ERBB4: variants seen among roughly 807,000 people sequenced by gnomAD.
The protein encoded by ERBB4 is erb-b2 receptor tyrosine kinase 4.
ERBB4 carries 42 observed loss-of-function variants against 158.0 expected under a neutral mutation model. That is an observed-to-expected ratio of 0.27 (90% CI 0.21 to 0.34). The LOEUF (loss-of-function observed/expected upper bound fraction) is 0.34, where lower values mean the gene tolerates loss of function less well. Ranked by LOEUF, ERBB4 falls within the 10% of genes least tolerant of loss-of-function variation. The pLI, the probability that ERBB4 is intolerant of heterozygous loss-of-function variation, is 1.00. For missense variants in ERBB4, 1,333 were observed against 1,624.1 expected (o/e 0.82, Z 3.08); for synonymous variants, 583 against 558.7 (o/e 1.04, Z -0.61).
At chr2:212,098,179 C>A (rs888421161) in intron 2 of ERBB4, among the ~76,000 whole-genome samples, 2 of 152,072 alleles carry the variant, frequency 1.3e-5, no homozygotes, top group African/African-American at 4.8e-5. Context: ...TTCATGGCTC[C>A]CTTCTCCAAG....
At chr2:212,113,651 G>A (rs944672924) in intron 2 of ERBB4, among the ~76,000 whole-genome samples, 4 of 150,396 alleles carry the variant, frequency 2.7e-5, no homozygotes, top group Non-Finnish European at 5.9e-5. Context: ...TCAGGTATTC[G>A]AGGCAGGTCA....
intron 3 of ERBB4, among the ~76,000 whole-genome samples, chr2:211,888,379 T>C (rs976997871): frequency 2.0e-4 from 30 of 152,204 alleles, no homozygotes; most frequent in African/African-American, 6.8e-4. Flanking sequence ...ACACATTACA[T>C]TTCCACTTAT....
intron 1 of ERBB4, among the ~76,000 whole-genome samples, chr2:212,533,619 T>C (rs1469548332): frequency 6.6e-6 from 1 of 152,198 alleles, no homozygotes; most frequent in Non-Finnish European, 1.5e-5. Context: ...TTTTTCATTA[T>C]AAACTGAAAA....
chr2:212,269,403 G>A (rs1162648502), intron 1 of ERBB4, among the ~76,000 whole-genome samples: 1 of 151,790 alleles, frequency 6.6e-6, no homozygotes, highest in African/African-American at 2.4e-5. Context: ...CTACCCATGT[G>A]TGTTCATACT....
intron 1 of ERBB4, among the ~76,000 whole-genome samples, chr2:212,399,453 G>A (rs1018195533): frequency 6.7e-6 from 1 of 149,776 alleles, no homozygotes; most frequent in African/African-American, 2.4e-5. Flanking sequence ...TCTGCACAAT[G>A]GTGATCACTC....
chr2:212,126,885 T>C (rs2079948117), intron 1 of ERBB4, among the ~76,000 whole-genome samples: 1 of 152,162 alleles, frequency 6.6e-6, no homozygotes, highest in Non-Finnish European at 1.5e-5. Context: ...AGCCTGTTTT[T>C]GCCTATGAAC....
intron 19 of ERBB4, among the ~76,000 whole-genome samples, chr2:211,608,684 G>T (rs1425321825): frequency 1.3e-5 from 2 of 152,108 alleles, no homozygotes; most frequent in Non-Finnish European, 2.9e-5. Context: ...ACCAAGGAAT[G>T]CTAGGCTGAT....
rs559035498 is a variant in ERBB4 at position 211,527,990 on chromosome 2, A to G, written c.2487+33913T>C. 9.5e-4 allele frequency among the ~76,000 whole-genome samples: 145 copies of G among 152,200 alleles called. 1 individual carries two copies. Among genetic ancestry groups the G allele is most frequent in the African/African-American group, 3.2e-3 (135 of 41,584 alleles). ...AAACAACCAGAAAACAAATAATAAA[A>G]TAGCAGGAGTAAGTCCTTACGGACA... On this transcript the variant is annotated intron_variant, in intron 20 of 27. Coordinates refer to ENST00000342788, the MANE Select transcript of ERBB4 (RefSeq NM_005235.3).
chr2:211,842,127 C>A (rs982083762), intron 3 of ERBB4, among the ~76,000 whole-genome samples: 1 of 151,938 alleles, frequency 6.6e-6, no homozygotes, highest in African/African-American at 2.4e-5. Context: ...TTATAGATTA[C>A]TCTTAAAGTT....
At chr2:212,517,327 G>T (rs961543222) in intron 1 of ERBB4, among the ~76,000 whole-genome samples, 3 of 152,026 alleles carry the variant, frequency 2.0e-5, no homozygotes, top group Non-Finnish European at 4.4e-5. Context: ...CCCAGAAATG[G>T]TATTTGTAAT....
intron 20 of ERBB4, among the ~76,000 whole-genome samples, chr2:211,525,844 G>A (rs982140842): frequency 6.6e-6 from 1 of 152,076 alleles, no homozygotes; most frequent in Non-Finnish European, 1.5e-5. Context: ...GTGACCACAG[G>A]GTGAGTCTCC....
chr2:211,427,064 G>T (rs556727491), intron 22 of ERBB4, among the ~76,000 whole-genome samples: 175 of 152,060 alleles, frequency 1.2e-3, no homozygotes, highest in Non-Finnish European at 1.9e-3. Context: ...ATAAACACAT[G>T]AAACCTTCAT....
Position 212,446,591 on chromosome 2 carries a change from G to GTATATATATATATATA in ERBB4, c.82+91842_82+91857dup, listed in dbSNP as rs71057412. On this transcript the variant is annotated intron_variant, in intron 1 of 27. Coordinates refer to ENST00000342788, the MANE Select transcript of ERBB4 (RefSeq NM_005235.3). ...TTAATAAACTCCCATATATATATAT[G>GTATATATATATATATA]TATATATATATATATATATATATAT... Among the ~76,000 whole-genome samples, 74 of 27,472 alleles carry GTATATATATATATATA rather than the reference G, an allele frequency of 2.7e-3. 13 individuals are homozygous for GTATATATATATATATA. Among genetic ancestry groups the GTATATATATATATATA allele is most frequent in the Admixed American group, 6.0e-3 (10 of 1,674 alleles). 18.0% of individuals were successfully genotyped at this position (27,472 alleles called of 152,430 possible).
At chr2:211,634,884 G>A (rs1203227774) in intron 16 of ERBB4, among the ~76,000 whole-genome samples, 1 of 152,016 alleles carries the variant, frequency 6.6e-6, no homozygotes, top group African/African-American at 2.4e-5. Flanking sequence ...CACCATGTTG[G>A]CCAGTCTGGT....
intron 1 of ERBB4, among the ~76,000 whole-genome samples, chr2:212,333,165 T>C (rs907980655): frequency 1.1e-4 from 17 of 151,980 alleles, no homozygotes; most frequent in Non-Finnish European, 1.6e-4. Flanking sequence ...ATTCAAAAAA[T>C]AATTTTGAAG....
chr2:212,124,232 A>C (rs1347612641), intron 2 of ERBB4, among the ~76,000 whole-genome samples: 1 of 152,366 alleles, frequency 6.6e-6, no homozygotes, highest in Admixed American at 6.5e-5. Context: ...GTATTGATCT[A>C]TGTAAATACT....
chr2:211,890,868 T>G (rs2078946665), intron 3 of ERBB4, among the ~76,000 whole-genome samples: 2 of 56,464 alleles, frequency 3.5e-5, no homozygotes, highest in African/African-American at 1.6e-4. Context: ...ATCCTAAATA[T>G]ATATGCACCC....
intron 2 of ERBB4, among the ~76,000 whole-genome samples, chr2:212,097,065 A>G (rs1372009288): frequency 6.6e-6 from 1 of 152,198 alleles, no homozygotes; most frequent in Non-Finnish European, 1.5e-5. Context: ...AATTTAACAA[A>G]TGTTTATTTA....
chr2:211,882,074 C>CCCCT (rs1433508945), intron 3 of ERBB4, among the ~76,000 whole-genome samples: 2 of 152,186 alleles, frequency 1.3e-5, no homozygotes, highest in Non-Finnish European at 2.9e-5. Context: ...CACAACAACA[C>CCCCT]CCCTGCTCAT....
Sources: allele counts gnomAD v4.1 joint callset (sites outside exome capture counted in the v4.1 genomes callset), GRCh38; gene constraint gnomAD v4.1.1; transcripts MANE v1.5; gene names NCBI Gene and HGNC (gene_info 2026-07-23, HGNC 2026-07-21).